The following ITCH variants were observed in gnomAD, a reference collection of about 807,000 sequenced individuals.
The protein encoded by ITCH is itchy E3 ubiquitin protein ligase, also known as E3 ubiquitin-protein ligase Itchy homolog.
In ITCH, 28 loss-of-function variants were observed where a neutral mutation model predicts 126.8. The observed-to-expected ratio is 0.22, with a 90% CI of 0.16 to 0.30. The LOEUF (loss-of-function observed/expected upper bound fraction) is 0.30, where lower values mean the gene tolerates loss of function less well. Among genes scored for constraint, ITCH ranks in the 10% least tolerant of loss-of-function variants. The probability of loss-of-function intolerance (pLI) is 1.00; values close to 1 mark genes in which losing one functional copy is unlikely to be tolerated. For missense variants in ITCH, 631 were observed against 1,032.4 expected (o/e 0.61, Z 5.33); for synonymous variants, 342 against 340.0 (o/e 1.01, Z -0.06).
intron 7 of ITCH, among the ~76,000 whole-genome samples, chr20:34,433,889 T>G (rs1197744635): frequency 6.6e-6 from 1 of 152,156 alleles, no homozygotes; most frequent in Non-Finnish European, 1.5e-5. Context: ...TAGTCCTATG[T>G]CTTGGTGGTA....
chr20:34,401,692 G>A (rs2038889808), intron 3 of ITCH: 1 of 902,440 alleles, frequency 1.1e-6, no homozygotes, highest in Admixed American at 6.3e-5. Flanking sequence ...CACCTTAAGG[G>A]CCATCCACTG....
At chr20:34,381,150 C>T (rs2038045864) in intron 2 of ITCH, among the ~76,000 whole-genome samples, 1 of 152,030 alleles carries the variant, frequency 6.6e-6, no homozygotes, top group Non-Finnish European at 1.5e-5. Flanking sequence ...CCTGTAATCC[C>T]AGCAGTTTGG....
intron 2 of ITCH, among the ~76,000 whole-genome samples, chr20:34,375,369 AAAGT>A (rs1215003321): frequency 6.6e-6 from 1 of 150,590 alleles, no homozygotes; most frequent in African/African-American, 2.4e-5. Context: ...AATGGAGGTA[AAAGT>A]AAGTATGTGA....
rs183381098 is a variant in ITCH at position 34,378,644 on chromosome 20, A to G, written c.-22+9174A>G. On this transcript the variant is annotated intron_variant, in intron 2 of 24. Transcript: ENST00000374864. ...GTCAAATGAGCTAAATCTAAATCTC[A>G]TTTAATGAAAAAGGCACTTTCCTTT... Among the ~76,000 whole-genome samples, 14 of 152,262 alleles carry G rather than the reference A, an allele frequency of 9.2e-5. No homozygotes were observed. In the East Asian group the frequency reaches 2.7e-3, roughly 29 times the overall value.
At chr20:34,434,499 G>A (rs949759397) in intron 7 of ITCH, among the ~76,000 whole-genome samples, 1 of 152,172 alleles carries the variant, frequency 6.6e-6, no homozygotes, top group Non-Finnish European at 1.5e-5. Context: ...ATGCAAGAAA[G>A]CATTAAAAGA....
intron 3 of ITCH, among the ~76,000 whole-genome samples, chr20:34,395,353 A>G (rs2038638536): frequency 6.6e-6 from 1 of 152,126 alleles, no homozygotes; most frequent in Admixed American, 6.6e-5. Flanking sequence ...ATCTGGACTT[A>G]GGCAGATAAG....
intron 3 of ITCH, among the ~76,000 whole-genome samples, chr20:34,399,285 G>C (rs994998978): frequency 1.3e-5 from 2 of 151,978 alleles, no homozygotes; most frequent in Middle Eastern, 3.2e-3. Context: ...CCAGCTACTC[G>C]GGGGGCTGAG....
In ITCH at chr20:34,480,646, C is replaced by G. The variant is rs777573141; in HGVS notation, c.1866C>G (p.Phe622Leu). The change falls in exon 19 of 25, where the codon TTC (phenylalanine) becomes TTG (leucine). Residue 622 changes from phenylalanine (F) to leucine (L), a missense_variant. Around this residue, in one of 4 missense-constraint regions of ITCH, gnomAD observed 390 missense variants for 731.6 expected, o/e 0.53. Transcript: ENST00000374864. ...TAGACACGGGTTTTTCTTTACCATTCTATAAGCGTATCTTGAACAAACCAG... is the reference window on the plus strand; with the variant it reads ...TAGACACGGGTTTTTCTTTACCATTGTATAAGCGTATCTTGAACAAACCAG... ...KFIDTGFSLP[F>L]YKRILNKPVG... 2 of 1,613,376 alleles carry G rather than the reference C, an allele frequency of 1.2e-6. No homozygotes were observed. The highest frequency in any genetic ancestry group is 2.2e-5 in the South Asian group (2 of 91,066).
chr20:34,383,572 G>C (rs2038150365), intron 2 of ITCH, among the ~76,000 whole-genome samples: 1 of 151,778 alleles, frequency 6.6e-6, no homozygotes, highest in African/African-American at 2.4e-5. Context: ...CTCCATGTTA[G>C]TCAGGCTGGT....
At position 34,374,372 on chromosome 20, in the gene ITCH, C is replaced by T. The variant is rs188692155; in HGVS notation, c.-22+4902C>T. Among the ~76,000 whole-genome samples, 1,038 of 152,216 alleles carry T rather than the reference C, an allele frequency of 6.8e-3. 10 individuals carry two copies. The highest frequency in any genetic ancestry group is 0.024 in the African/African-American group (985 of 41,522). On this transcript the variant is annotated intron_variant, in intron 2 of 24. Coordinates refer to ENST00000374864, the MANE Select transcript of ITCH (RefSeq NM_031483.7). The stretch of plus-strand genomic sequence containing the variant: ...CTCTACTGTGTAGTGGTGGTATGAT[C>T]TTGGCCAACTTGCCTAACTTCTTTT...
intron 1 of ITCH, among the ~76,000 whole-genome samples, chr20:34,368,996 C>G (rs776520918): frequency 4.3e-4 from 66 of 152,276 alleles, no homozygotes; most frequent in Non-Finnish European, 8.7e-4. Flanking sequence ...AGACTTTGTG[C>G]TTTTAGAGTC....
chr20:34,440,090 A>T, intron 8 of ITCH, 65 bp from the exon 9 acceptor site: 1 of 1,200,974 alleles, frequency 8.3e-7, no homozygotes, highest in Non-Finnish European at 1.2e-6. Flanking sequence ...TTTTACAGTT[A>T]AAATTCTATC....
chr20:34,458,783 G>A (rs931460310), intron 13 of ITCH, among the ~76,000 whole-genome samples: 6 of 152,136 alleles, frequency 3.9e-5, no homozygotes, highest in African/African-American at 1.4e-4. Context: ...TTATAAGGAC[G>A]TCAGTCCTAT....
intron 21 of ITCH, 58 bp downstream of exon 21, chr20:34,489,444 C>T: frequency 6.7e-7 from 1 of 1,491,088 alleles, no homozygotes; most frequent in Non-Finnish European, 9.3e-7. Flanking sequence ...CTTAAGTTGT[C>T]TGCTTTTAAC....
intron 7 of ITCH, among the ~76,000 whole-genome samples, chr20:34,425,575 T>TG (rs1233459538): frequency 6.6e-6 from 1 of 152,218 alleles, no homozygotes; most frequent in Non-Finnish European, 1.5e-5. Flanking sequence ...AACCGCCCCG[T>TG]GGCTGGAGGT....
At chr20:34,467,720 T>C (rs1987217855) in intron 14 of ITCH, among the ~76,000 whole-genome samples, 1 of 148,392 alleles carries the variant, frequency 6.7e-6, no homozygotes, top group Non-Finnish European at 1.5e-5. Flanking sequence ...AGTTTCACTC[T>C]TGTTGCCCAG....
At chr20:34,405,259 C>T (rs958824321) in intron 3 of ITCH, among the ~76,000 whole-genome samples, 3 of 151,588 alleles carry the variant, frequency 2.0e-5, no homozygotes, top group Non-Finnish European at 1.5e-5. Context: ...AATTCCAACA[C>T]TTTGAGGGGC....
At chr20:34,443,266 C>T (rs1984001949) in intron 10 of ITCH, among the ~76,000 whole-genome samples, 1 of 151,568 alleles carries the variant, frequency 6.6e-6, no homozygotes, top group South Asian at 2.1e-4. Context: ...AATCCCAGCA[C>T]CTTGGGAGGC....
At chr20:34,388,348 GT>G (rs1164177639) in intron 2 of ITCH, among the ~76,000 whole-genome samples, 3 of 151,876 alleles carry the variant, frequency 2.0e-5, no homozygotes, top group Non-Finnish European at 2.9e-5. Flanking sequence ...TTGTTTGCTT[GT>G]TTGTTTTTAA....
Sources: gnomAD v4.1 joint callset for allele counts (sites outside exome capture counted in the v4.1 genomes callset) on GRCh38, gnomAD v4.1.1 for gene constraint, gnomAD v4.1.1 regional missense constraint, MANE v1.5 for transcripts, NCBI Gene and HGNC (gene_info 2026-07-23, HGNC 2026-07-21) for gene names.